Variants in MSH6 observed in about 807,000 individuals in gnomAD.
MSH6 encodes the protein DNA mismatch repair protein Msh6.
A neutral mutation model predicts 119.1 loss-of-function variants in MSH6; 85 were observed. The observed-to-expected ratio is 0.71, with a 90% confidence interval of 0.60 to 0.85. The LOEUF (loss-of-function observed/expected upper bound fraction) is 0.85. Among genes scored for constraint, MSH6 ranks in the 40% least tolerant of loss-of-function variants. The probability of loss-of-function intolerance (pLI) is 0.00; values close to 1 mark genes in which losing one functional copy is unlikely to be tolerated. For synonymous variants in MSH6, 830 were observed against 586.9 expected (o/e 1.41, Z -5.99); for missense variants, 2,163 against 1,655.3 (o/e 1.31, Z -5.32).
chr2:47,798,722 A>C lies in MSH6; in HGVS notation c.739A>C (p.Lys247Gln), dbSNP rs767828930. ...TAGGCGAAGTAGCCGCCAAATAAAA[A>C]AACGAAGGGTCATATCAGATTCTGA... ...GSRRSSRQIK[K>Q]RRVISDSESD... The change falls in exon 4 of 10, where the codon AAA becomes CAA. Residue 247 changes from lysine to glutamine, a missense_variant. Lys to Gln is a moderately conservative substitution (Grantham distance 53). Coordinates refer to ENST00000234420, the MANE Select transcript of MSH6 (RefSeq NM_000179.3). 7 of 1,614,208 alleles carry C rather than the reference A, an allele frequency of 4.3e-6. No individual in the cohort carries two copies. In the South Asian group the frequency reaches 7.7e-5, roughly 18 times the overall value.
chr2:47,805,620 G>A lies in MSH6; in HGVS notation c.3559G>A (p.Glu1187Lys), dbSNP rs1553332616. 1.3e-6 allele frequency: 2 copies of A among 1,597,266 alleles called. No individual in the cohort carries two copies. Among genetic ancestry groups the A allele is most frequent in the Non-Finnish European group, 1.7e-6 (2 of 1,166,336 alleles). The change falls in exon 7 of 10, where the codon GAA becomes AAA. Residue 1187 changes from glutamate (E) to lysine (K), a missense_variant and splice_region_variant. Transcript: ENST00000234420. ...LGASDRIMSG[E>K]STFFVELSET... ...TTTGTGATTTTTTTTTTTTTAAGGT[G>A]AAAGTACATTTTTTGTTGAATTAAG...
chr2:47,784,209 C>T (rs913813140), intron 1 of MSH6: 3 of 1,004,094 alleles, frequency 3.0e-6, no homozygotes, highest in Non-Finnish European at 2.4e-6. Flanking sequence ...CGTGGGGAGC[C>T]GAAGTGCTGG....
In MSH6 at chr2:47,803,651, CA is replaced by C. The variant is rs1419495684; in HGVS notation, c.3407del (p.Asn1136IlefsTer9). On this transcript the variant is annotated frameshift_variant, in exon 5 of 10. Coordinates refer to ENST00000234420, the MANE Select transcript of MSH6 (RefSeq NM_000179.3). LOFTEE classifies it high-confidence loss of function. ...GCCTATTGTGTGCTTGTTACTGGACCAAATATGGGGGGCAAGTCTACGCTTA... is the reference window on the plus strand; with the variant it reads ...GCCTATTGTGTGCTTGTTACTGGACCAATATGGGGGGCAAGTCTACGCTTA... The part of the protein sequence containing the change: ...GKAYCVLVTG[P>X]NMGGKSTLMR... The C allele has an allele frequency of 6.2e-7, 1 of 1,614,030 alleles. No individual in the cohort carries two copies.
intron 1 of MSH6, chr2:47,783,951 G>C (rs1572699375): frequency 1.9e-6 from 2 of 1,031,464 alleles, no homozygotes; most frequent in East Asian, 1.1e-4. Flanking sequence ...AGGCCGAACG[G>C]GGAGAGTCCG....
downstream of MSH6, chr2:47,807,032 C>T: frequency 1.6e-6 from 1 of 629,966 alleles, no homozygotes. Flanking sequence ...ATTGAATACT[C>T]CACAATATAT....
In MSH6 at chr2:47,797,064, A is replaced by G. The variant is rs546343546; in HGVS notation, c.627+1001A>G. 2.6e-5 allele frequency among the ~76,000 whole-genome samples: 4 copies of G among 152,342 alleles called. No homozygotes were observed. The East Asian group carries it at 7.7e-4, about 29-fold the overall frequency. ...GTCTGTGGCCCAGGATGGCGTTTAA[A>G]TCAGCCCAACACAAATTTGTAAACT... On this transcript the variant is annotated intron_variant, in intron 3 of 9. Coordinates refer to ENST00000234420, the MANE Select transcript of MSH6 (RefSeq NM_000179.3).
At chr2:47,794,039 T>C (rs1286020841) in intron 2 of MSH6, among the ~76,000 whole-genome samples, 2 of 114,404 alleles carry the variant, frequency 1.7e-5, no homozygotes, top group Non-Finnish European at 3.6e-5. Flanking sequence ...CAGAATGATT[T>C]TTAAAAAGAG....
In MSH6 at chr2:47,791,018, A is replaced by G. The variant is rs2104104507; in HGVS notation, c.352A>G (p.Thr118Ala). Residue 118 changes from threonine (T) to alanine (A), a missense_variant, in exon 2 of 10, where the codon ACA becomes GCA. Transcript: ENST00000234420. ...GGTTTACAACCACCCCTTTGATGGA[A>G]CATTCATCCGCGAGAAAGGGAAATC... The part of the protein sequence containing the change: ...CLVYNHPFDG[T>A]FIREKGKSVR... 6.2e-7 allele frequency: 1 copy of G among 1,614,218 alleles called. No individual in the cohort carries two copies. Among genetic ancestry groups the G allele is most frequent in the Non-Finnish European group, 8.5e-7 (1 of 1,180,038 alleles).
intron 3 of MSH6, 85 bp from the exon 4 acceptor site, chr2:47,798,526 G>C (rs2104284398): frequency 6.8e-7 from 1 of 1,465,684 alleles, no homozygotes; most frequent in Non-Finnish European, 9.3e-7. Flanking sequence ...CCATTATAAA[G>C]TCAAAAAATC....
At chr2:47,793,438 A>C (rs1668877117) in intron 2 of MSH6, among the ~76,000 whole-genome samples, 1 of 150,380 alleles carries the variant, frequency 6.6e-6, no homozygotes, top group Non-Finnish European at 1.5e-5. Context: ...GACCAGCCTG[A>C]CCAAGATGGT....
chr2:47,807,036 A>AATATATTAAGTCTAGATGT (rs1670256173), downstream of MSH6: 7 of 625,786 alleles, frequency 1.1e-5, no homozygotes, highest in Non-Finnish European at 2.0e-5. Context: ...AATACTCCAC[A>AATATATTAAGTCTAGATGT]ATATATTAAG....
chr2:47,808,422 T>A, downstream of MSH6: 2 of 1,586,298 alleles, frequency 1.3e-6, no homozygotes, highest in Non-Finnish European at 1.7e-6. Context: ...GTTACAAGTA[T>A]GACATCTAAA....
At position 47,806,817 on chromosome 2, in the gene MSH6, CTGAAGCTGTCCA is replaced by C; in HGVS notation, c.4042_4053del (p.Glu1348_His1351del). ...GCTAGTGAAAGGTCAACTGTAGATGCTGAAGCTGTCCATAAATTGCTGACTTTGATTAAGGAA... is the reference window on the plus strand; with the variant it reads ...GCTAGTGAAAGGTCAACTGTAGATGCTAAATTGCTGACTTTGATTAAGGAA... On this transcript the variant is annotated inframe_deletion, in exon 10 of 10. Transcript: ENST00000234420. 1 of 1,607,856 alleles carries C rather than the reference CTGAAGCTGTCCA, an allele frequency of 6.2e-7. No individual in the cohort carries two copies. Among genetic ancestry groups the C allele is most frequent in the Non-Finnish European group, 8.5e-7 (1 of 1,178,326 alleles).
rs888377589 is a variant in MSH6 at position 47,783,455 on chromosome 2, A to G, written c.222A>G (p.Gly74=). The change falls in exon 1 of 10, where the codon GGA becomes GGG. Residue 74 remains glycine (G), a synonymous_variant. Coordinates refer to ENST00000234420, the MANE Select transcript of MSH6 (RefSeq NM_000179.3). The part of the protein sequence containing the change: ...ASPPKAKNLN[G]GLRRSVAPAA... Reference sequence around the variant, plus strand: ...CGCCCAAGGCGAAGAACCTCAACGGAGGGCTGCGGAGATCGGTAGCGCCTG... The same window carrying G: ...CGCCCAAGGCGAAGAACCTCAACGGGGGGCTGCGGAGATCGGTAGCGCCTG... 6.8e-7 allele frequency: 1 copy of G among 1,463,798 alleles called. No individual in the cohort carries two copies. Among genetic ancestry groups the G allele is most frequent in the Non-Finnish European group, 9.0e-7 (1 of 1,108,440 alleles). The allele number at this position is 1,463,798 out of a possible 1,614,324, so 90.7% of individuals were successfully genotyped here. A position where few individuals can be genotyped will look rare whatever the true frequency, so the allele number is the denominator to read the frequency against.
chr2:47,804,173 C>T (rs1669804803), intron 5 of MSH6, among the ~76,000 whole-genome samples: 1 of 151,944 alleles, frequency 6.6e-6, no homozygotes, highest in Non-Finnish European at 1.5e-5. Flanking sequence ...TGCAGTGGCA[C>T]CATCACAGCT....
downstream of MSH6, chr2:47,809,829 C>A: frequency 1.6e-6 from 1 of 617,142 alleles, no homozygotes; most frequent in Non-Finnish European, 2.8e-6. Flanking sequence ...TTAATGTCTA[C>A]TGAATAAAAT....
At position 47,788,030 on chromosome 2, in the gene MSH6, G is replaced by C. The variant is rs3136257; in HGVS notation, c.261-2897G>C. On this transcript the variant is annotated intron_variant, in intron 1 of 9. Transcript: ENST00000234420. Reference sequence around the variant, plus strand: ...TTAGCAGTGAGTGAAGAAAAATTTTGAGAAATGTTTAAAATTTTTAGTTTT... The same window carrying C: ...TTAGCAGTGAGTGAAGAAAAATTTTCAGAAATGTTTAAAATTTTTAGTTTT... 1.5e-3 allele frequency among the ~76,000 whole-genome samples: 230 copies of C among 152,162 alleles called. 2 individuals carry two copies. In the East Asian group the frequency reaches 0.036, roughly 24 times the overall value.
At position 47,796,058 on chromosome 2, in the gene MSH6, A is replaced by G. The variant is rs369058374; in HGVS notation, c.622A>G (p.Met208Val). 14 of 1,613,934 alleles carry G rather than the reference A, an allele frequency of 8.7e-6. No homozygotes were observed. The highest frequency in any genetic ancestry group is 1.2e-5 in the Non-Finnish European group (14 of 1,180,002). ...CTCAGAGCCAGAAGAGGAAGAAGAG[A>G]TGGAGGTGGGACACGGCAAGCATTC... is the stretch of plus-strand genomic sequence containing the variant. ...EPSEPEEEEE[M>V]EVGTTYVTDK... The change falls in exon 3 of 10, where the codon ATG becomes GTG. Residue 208 changes from methionine to valine, a missense_variant. Met to Val is a conservative substitution (Grantham distance 21). Coordinates refer to ENST00000234420, the MANE Select transcript of MSH6 (RefSeq NM_000179.3).
downstream of MSH6, chr2:47,808,447 A>G (rs2104613781): frequency 6.4e-7 from 1 of 1,559,604 alleles, no homozygotes; most frequent in Admixed American, 2.0e-5. Context: ...AAAAGCTTAA[A>G]TTACTTTTCT....
Sources: allele counts gnomAD v4.1 joint callset (sites outside exome capture counted in the v4.1 genomes callset), GRCh38; gene constraint gnomAD v4.1.1; transcripts MANE v1.5; gene names NCBI Gene and HGNC (gene_info 2026-07-23, HGNC 2026-07-21).